The following ELAVL4 variants were observed in gnomAD, a reference collection of about 807,000 sequenced individuals.
The protein encoded by ELAVL4 is ELAV like RNA binding protein 4, also known as ELAV-like protein 4.
A neutral mutation model predicts 35.6 loss-of-function variants in ELAVL4; 1 was observed. The observed-to-expected ratio is 0.03, with a 90% CI of 0.01 to 0.13. The LOEUF (loss-of-function observed/expected upper bound fraction) is 0.13, where lower values mean the gene tolerates loss of function less well. Ranked by LOEUF, ELAVL4 falls within the 10% of genes least tolerant of loss-of-function variation. The pLI, the probability that ELAVL4 is intolerant of heterozygous loss-of-function variation, is 1.00. For synonymous variants in ELAVL4, 156 were observed against 171.0 expected (o/e 0.91, Z 0.69); for missense variants, 267 against 464.9 (o/e 0.57, Z 3.91).
intron 3 of ELAVL4, among the ~76,000 whole-genome samples, chr1:50,183,133 C>T (rs1463495870): frequency 9.2e-5 from 14 of 152,162 alleles, no homozygotes; most frequent in Admixed American, 4.6e-4. Context: ...GCTGGGATTA[C>T]GGGTGTGAGC....
At chr1:50,091,221 G>T (rs555168990) in intron 1 of ELAVL4, among the ~76,000 whole-genome samples, 1 of 152,128 alleles carries the variant, frequency 6.6e-6, no homozygotes, top group Non-Finnish European at 1.5e-5. Context: ...TTTTTAGCAC[G>T]CACGCTCACA....
intron 1 of ELAVL4, among the ~76,000 whole-genome samples, chr1:50,049,017 G>A (rs1663219312): frequency 6.6e-6 from 1 of 152,152 alleles, no homozygotes; most frequent in Non-Finnish European, 1.5e-5. Flanking sequence ...AGGGACTTGA[G>A]GAGACCACAG....
upstream of ELAVL4, among the ~76,000 whole-genome samples, chr1:50,103,175 C>T (rs564709697): frequency 1.3e-5 from 2 of 152,258 alleles, no homozygotes; most frequent in South Asian, 4.1e-4. Flanking sequence ...GAACTCTTGG[C>T]GATTTAGACA....
chr1:50,171,324 G>C (rs1214490903), intron 2 of ELAVL4, among the ~76,000 whole-genome samples: 1 of 152,158 alleles, frequency 6.6e-6, no homozygotes, highest in African/African-American at 2.4e-5. Context: ...ACTTAAACTT[G>C]GGCCAGTCCC....
intron 1 of ELAVL4, among the ~76,000 whole-genome samples, chr1:50,122,078 C>A (rs1309757293): frequency 6.6e-6 from 1 of 152,008 alleles, no homozygotes; most frequent in African/African-American, 2.4e-5. Context: ...TATGGACAAG[C>A]TAACTGAGGT....
intron 1 of ELAVL4, among the ~76,000 whole-genome samples, chr1:50,110,720 C>A (rs567829978): frequency 4.6e-5 from 7 of 152,214 alleles, no homozygotes; most frequent in African/African-American, 1.7e-4. Flanking sequence ...CTAGAAAAGC[C>A]TGGGGAGGAC....
chr1:50,048,276 C>T, intron 1 of ELAVL4: 1 of 1,375,218 alleles, frequency 7.3e-7, no homozygotes, highest in Non-Finnish European at 9.5e-7. Flanking sequence ...CTGGCTTCTC[C>T]CAGCGGCCAG....
upstream of ELAVL4, among the ~76,000 whole-genome samples, chr1:50,100,210 C>T (rs1393498409): frequency 6.6e-6 from 1 of 152,158 alleles, no homozygotes; most frequent in Non-Finnish European, 1.5e-5. Context: ...TTTATAGGCA[C>T]AGCACCTACC....
At chr1:50,152,132 A>T (rs550044907) in intron 2 of ELAVL4, among the ~76,000 whole-genome samples, 15 of 152,164 alleles carry the variant, frequency 9.9e-5, no homozygotes, top group Admixed American at 2.0e-4. Flanking sequence ...TTTTCCCAGG[A>T]TGTCTGTAGT....
chr1:50,090,160 T>C (rs1344133799), intron 1 of ELAVL4, among the ~76,000 whole-genome samples: 1 of 152,202 alleles, frequency 6.6e-6, no homozygotes, highest in Admixed American at 6.5e-5. Flanking sequence ...AGGTTATGTA[T>C]GACAACTGAG....
intron 1 of ELAVL4, among the ~76,000 whole-genome samples, chr1:50,134,979 T>C (rs535807808): frequency 1.2e-4 from 18 of 152,284 alleles, no homozygotes; most frequent in Admixed American, 1.1e-3. Context: ...GGGAAGAAGA[T>C]TAAAACTTGG....
Position 50,202,830 on chromosome 1 carries a change from A to G in ELAVL4, c.*1652A>G, listed in dbSNP as rs1644439832. The G allele has an allele frequency of 6.6e-6, 1 of 152,154 alleles. No homozygotes were observed. The highest frequency in any genetic ancestry group is 2.4e-5 in the African/African-American group (1 of 41,440). 9.4% of individuals were successfully genotyped at this position (152,154 alleles called of 1,614,324 possible). A position where few individuals can be genotyped will look rare whatever the true frequency, so the allele number is the denominator to read the frequency against. ...AACTTGTGTAGAACTATTCTTTGAT[A>G]TATTGTCATGTTTGTTGTGAATATT... On this transcript the variant is annotated 3_prime_UTR_variant, in exon 7 of 7. Coordinates refer to ENST00000371824, the MANE Select transcript of ELAVL4 (RefSeq NM_001144774.3).
Position 50,167,076 on chromosome 1 carries a change from A to G in ELAVL4, c.251-10013A>G, listed in dbSNP as rs565352600. 2.4e-4 allele frequency among the ~76,000 whole-genome samples: 37 copies of G among 152,218 alleles called. 1 individual carries two copies. The South Asian group carries it at 7.5e-3, about 31-fold the overall frequency. ...CACCCCTTGATTCCTGGACCCATGA[A>G]TCCTGGCTATGGGAGAAACAGTACC... On this transcript the variant is annotated intron_variant, in intron 2 of 6. Coordinates refer to ENST00000371824, the MANE Select transcript of ELAVL4 (RefSeq NM_001144774.3).
intron 1 of ELAVL4, among the ~76,000 whole-genome samples, chr1:50,113,681 T>C (rs1667466152): frequency 6.6e-6 from 1 of 152,148 alleles, no homozygotes; most frequent in Non-Finnish European, 1.5e-5. Flanking sequence ...GCTTTTATCT[T>C]ACTATTGTCC....
chr1:50,103,855 G>A, upstream of ELAVL4: 5 of 1,547,206 alleles, frequency 3.2e-6, no homozygotes, highest in Non-Finnish European at 4.4e-6. Flanking sequence ...AGCCGGAACA[G>A]GAGGAAAAGG....
chr1:50,102,922 CT>C (rs377112841), upstream of ELAVL4, among the ~76,000 whole-genome samples: 277 of 151,024 alleles, frequency 1.8e-3, 3 homozygotes, highest in East Asian at 0.026. Context: ...GTGTATTTAC[CT>C]TTTTTTTTCA....
At chr1:50,073,649 CACAA>C (rs1453544677) in intron 1 of ELAVL4, among the ~76,000 whole-genome samples, 1 of 151,966 alleles carries the variant, frequency 6.6e-6, no homozygotes, top group African/African-American at 2.4e-5. Context: ...CACACACATG[CACAA>C]ACACACACGT....
At chr1:50,169,817 T>A (rs1363837497) in intron 2 of ELAVL4, among the ~76,000 whole-genome samples, 2 of 152,190 alleles carry the variant, frequency 1.3e-5, no homozygotes, top group African/African-American at 4.8e-5. Flanking sequence ...CAACTTCCTC[T>A]CTGTTCTTAT....
intron 1 of ELAVL4, among the ~76,000 whole-genome samples, chr1:50,075,608 G>A (rs1320296548): frequency 3.3e-5 from 5 of 152,204 alleles, no homozygotes; most frequent in Admixed American, 3.3e-4. Context: ...CCAGACCACA[G>A]TGGGTTTTTT....
Sources: gnomAD v4.1 joint callset for allele counts (sites outside exome capture counted in the v4.1 genomes callset) on GRCh38, gnomAD v4.1.1 for gene constraint, MANE v1.5 for transcripts, NCBI Gene and HGNC (gene_info 2026-07-23, HGNC 2026-07-21) for gene names.